The following IGSF3 variants were observed in gnomAD, a reference collection of about 807,000 sequenced individuals.
The protein encoded by IGSF3 is glu-Trp-Ile EWI motif-containing protein 3.
In IGSF3, 23 loss-of-function variants were observed where a neutral mutation model predicts 114.4. The observed-to-expected ratio is 0.20, with a 90% confidence interval of 0.14 to 0.28. The LOEUF is 0.28. IGSF3 is among the 10% of genes least tolerant of loss of function. The pLI is 1.00. For synonymous variants in IGSF3, 571 were observed against 645.2 expected (o/e 0.88, Z 1.74); for missense variants, 1,172 against 1,591.5 (o/e 0.74, Z 4.48).
chr1:116,581,548 GTGTCGCTCACAGGTGAACA>G (rs1349076241), intron 9 of IGSF3, among the ~76,000 whole-genome samples: 28 of 152,106 alleles, frequency 1.8e-4, no homozygotes, highest in African/African-American at 6.5e-4. Context: ...AATTGGCTTA[GTGTCGCTCACAGGTGAACA>G]TGTCGCTCAC....
rs1220242998 is a variant in IGSF3, at chr1:116,661,963, A to G, written c.43+4321T>C. Reference sequence around the variant, plus strand: ...TTCCTTCCTGATGGCTGCGGCTAGAAGAGTCATCTTGGACCATGAAGTCAT... The same window carrying G: ...TTCCTTCCTGATGGCTGCGGCTAGAGGAGTCATCTTGGACCATGAAGTCAT... On this transcript the variant is annotated intron_variant, in intron 2 of 10. Transcript: ENST00000369486. This position sits in a 1 kb window ranked among gnomAD's most constrained non-coding sequence, Gnocchi z 4.0. 6.6e-6 allele frequency among the ~76,000 whole-genome samples: 1 copy of G among 152,194 alleles called. No homozygotes were observed. Among genetic ancestry groups the G allele is most frequent in the Admixed American group, 6.5e-5 (1 of 15,280 alleles).
Position 116,625,535 on chromosome 1 carries a change from G to C in IGSF3, c.44-9078C>G, listed in dbSNP as rs1224790861. Among the ~76,000 whole-genome samples the C allele has an allele frequency of 6.6e-6, 1 of 152,234 alleles. No individual in the cohort carries two copies. On this transcript the variant is annotated intron_variant, in intron 2 of 10. Transcript: ENST00000369486. This position sits in a 1 kb window ranked among gnomAD's most constrained non-coding sequence, Gnocchi z 4.7. ...AGTCAAACACCTCCTCTGGGACTGG[G>C]GAAGTTGAGAAAGAGCCTAACAGAG... is the stretch of plus-strand genomic sequence containing the variant.
At chr1:116,608,920 A>C (rs2101472949) in intron 4 of IGSF3, among the ~76,000 whole-genome samples, 1 of 152,248 alleles carries the variant, frequency 6.6e-6, no homozygotes, top group South Asian at 2.1e-4. Context: ...TAACAGAATT[A>C]CATAGAAAAA....
intron 2 of IGSF3, among the ~76,000 whole-genome samples, chr1:116,645,474 T>C (rs1049824509): frequency 2.1e-4 from 32 of 152,268 alleles, no homozygotes; most frequent in African/African-American, 6.3e-4. Flanking sequence ...TTACATATTT[T>C]AAACTGGTGA....
In IGSF3 at chr1:116,636,940, T is replaced by G. The variant is rs541904308; in HGVS notation, c.44-20483A>C. Among the ~76,000 whole-genome samples the G allele has an allele frequency of 6.6e-6, 1 of 152,344 alleles. No homozygotes were observed. The highest frequency in any genetic ancestry group is 2.1e-4 in the South Asian group (1 of 4,822). On this transcript the variant is annotated intron_variant, in intron 2 of 10. Transcript: ENST00000369486. This position sits in a 1 kb window ranked among gnomAD's most constrained non-coding sequence, Gnocchi z 4.5. ...CTATTAACTCAAATTCTACTTGACA[T>G]TCTTTCAAATCAGGGCATTTTATCT...
chr1:116,666,128 G>C (rs1290801773), intron 2 of IGSF3, among the ~76,000 whole-genome samples, 156 bp downstream of exon 2: 1 of 152,176 alleles, frequency 6.6e-6, no homozygotes, highest in Non-Finnish European at 1.5e-5. Context: ...TTAGAAACGG[G>C]CCTCTTCGTA....
chr1:116,592,973 C>A lies in IGSF3; in HGVS notation c.2030-3869G>T, dbSNP rs747474950. Among the ~76,000 whole-genome samples the A allele has an allele frequency of 2.0e-5, 3 of 152,140 alleles. No homozygotes were observed. Among genetic ancestry groups the A allele is most frequent in the Non-Finnish European group, 4.4e-5 (3 of 68,040 alleles). ...AGCAGAGAAGGAGAATCAAAGGGCA[C>A]GCCAGAGAGAGGGGACAAGAGGAAA... On this transcript the variant is annotated intron_variant, in intron 7 of 10. Coordinates refer to ENST00000369486, the MANE Select transcript of IGSF3 (RefSeq NM_001007237.3). The surrounding 1 kb of genome is among the most constrained non-coding windows in gnomAD (Gnocchi z 4.5).
In IGSF3 at chr1:116,590,378, A is replaced by C. The variant is rs1170941364; in HGVS notation, c.2030-1274T>G. On this transcript the variant is annotated intron_variant, in intron 7 of 10. Coordinates refer to ENST00000369486, the MANE Select transcript of IGSF3 (RefSeq NM_001007237.3). ...TTTCCCGCTACTAAAAATGAAAAAA[A>C]AAAAACAAAAAAACAATTCTAAGTT... 3.3e-5 allele frequency among the ~76,000 whole-genome samples: 5 copies of C among 152,096 alleles called. 1 individual carries two copies. Among genetic ancestry groups the C allele is most frequent in the East Asian group, 1.9e-4 (1 of 5,194 alleles).
intron 5 of IGSF3, among the ~76,000 whole-genome samples, chr1:116,604,278 C>A (rs896554821): frequency 3.3e-5 from 5 of 152,070 alleles, no homozygotes; most frequent in Admixed American, 6.6e-5. Flanking sequence ...GGTTCTAAGA[C>A]CTGAGCCTGA....
intron 2 of IGSF3, among the ~76,000 whole-genome samples, chr1:116,643,594 C>T (rs899569381): frequency 1.3e-5 from 2 of 152,252 alleles, no homozygotes; most frequent in Non-Finnish European, 2.9e-5. Context: ...CCGTGAGGTC[C>T]TCCTGGGGAT....
At chr1:116,581,280 C>T (rs957675347) in intron 9 of IGSF3, among the ~76,000 whole-genome samples, 1 of 143,446 alleles carries the variant, frequency 7.0e-6, no homozygotes. Context: ...AGGTGAGTCA[C>T]ATCTCACAGA....
rs1247943307 is a variant in IGSF3 at position 116,627,087 on chromosome 1, T to C, written c.44-10630A>G. Among the ~76,000 whole-genome samples, 2 of 152,206 alleles carry C rather than the reference T, an allele frequency of 1.3e-5. No homozygotes were observed. Among genetic ancestry groups the C allele is most frequent in the Non-Finnish European group, 2.9e-5 (2 of 68,044 alleles). On this transcript the variant is annotated intron_variant, in intron 2 of 10. Coordinates refer to ENST00000369486, the MANE Select transcript of IGSF3 (RefSeq NM_001007237.3). The surrounding 1 kb of genome is among the most constrained non-coding windows in gnomAD (Gnocchi z 4.7). Reference sequence around the variant, plus strand: ...CTCCCTGTAATTACTCTGACCGCTCTTTCTTTCCGTCCGGTTTTGGAGATA... The same window carrying C: ...CTCCCTGTAATTACTCTGACCGCTCCTTCTTTCCGTCCGGTTTTGGAGATA...
In IGSF3 at chr1:116,638,946, A is replaced by G. The variant is rs1647956676; in HGVS notation, c.44-22489T>C. Reference sequence around the variant, plus strand: ...CATGCTGAACCATTCCAGCTGCGCCACTGCCCAGGAAAAAAGTCACAGGTA... The same window carrying G: ...CATGCTGAACCATTCCAGCTGCGCCGCTGCCCAGGAAAAAAGTCACAGGTA... On this transcript the variant is annotated intron_variant, in intron 2 of 10. Coordinates refer to ENST00000369486, the MANE Select transcript of IGSF3 (RefSeq NM_001007237.3). The surrounding 1 kb of genome is among the most constrained non-coding windows in gnomAD (Gnocchi z 4.1). Among the ~76,000 whole-genome samples, 1 of 152,216 alleles carries G rather than the reference A, an allele frequency of 6.6e-6. No homozygotes were observed. Among genetic ancestry groups the G allele is most frequent in the African/African-American group, 2.4e-5 (1 of 41,450 alleles).
chr1:116,611,204 C>G (rs779420645), intron 4 of IGSF3, among the ~76,000 whole-genome samples: 1 of 152,204 alleles, frequency 6.6e-6, no homozygotes, highest in African/African-American at 2.4e-5. Context: ...GATTGTGTTA[C>G]TCCCTGCTTA....
intron 2 of IGSF3, among the ~76,000 whole-genome samples, chr1:116,631,594 T>C (rs1209544694): frequency 1.3e-5 from 2 of 152,124 alleles, no homozygotes; most frequent in Admixed American, 1.3e-4. Context: ...AGAGATGTAG[T>C]TAACAGGCAA....
Position 116,588,830 on chromosome 1 carries a change from G to C in IGSF3, c.2304C>G (p.Thr768=). 2 of 1,614,196 alleles carry C rather than the reference G, an allele frequency of 1.2e-6. No homozygotes were observed. Among genetic ancestry groups the C allele is most frequent in the Non-Finnish European group, 8.5e-7 (1 of 1,180,010 alleles). Residue 768 remains threonine, a synonymous_variant, in exon 8 of 11, where the codon ACC becomes ACG. Coordinates refer to ENST00000369486, the MANE Select transcript of IGSF3 (RefSeq NM_001007237.3). This position sits in a 1 kb window ranked among gnomAD's most constrained non-coding sequence, Gnocchi z 4.9. ...RHVSGGLFSL[T]VQRAEVSDSG... ...TGTCGCTGACCTCGGCTCTCTGGAC[G>C]GTGAGGCTGAACAGGCCCCCCGACA...
rs1376439233 is a variant in IGSF3, at chr1:116,632,975, G to A, written c.44-16518C>T. On this transcript the variant is annotated intron_variant, in intron 2 of 10. Coordinates refer to ENST00000369486, the MANE Select transcript of IGSF3 (RefSeq NM_001007237.3). The surrounding 1 kb of genome is among the most constrained non-coding windows in gnomAD (Gnocchi z 5.1). ...AGAGTTTCTTCACTGCAGCTATCCT[G>A]CCAGGCTCATTGTAAAGTGACGAAT... Among the ~76,000 whole-genome samples the A allele has an allele frequency of 4.6e-5, 7 of 152,190 alleles. No homozygotes were observed. Among genetic ancestry groups the A allele is most frequent in the Admixed American group, 3.9e-4 (6 of 15,290 alleles).
At chr1:116,645,932 C>T (rs1364054374) in intron 2 of IGSF3, among the ~76,000 whole-genome samples, 1 of 152,222 alleles carries the variant, frequency 6.6e-6, no homozygotes, top group East Asian at 1.9e-4. Flanking sequence ...ATGGACGCGA[C>T]TGCGCTGGGA....
Position 116,585,044 on chromosome 1 carries a change from G to A in IGSF3, c.2449C>T (p.Leu817=), listed in dbSNP as rs1398273229. ...TTCCCCTGGGCTTGGCTGAGCCTCA[G>A]GCGGCTGTCTGGAACAGTAAGGAAG... The part of the protein sequence containing the change: ...EVTVKQPDSR[L]RLSQAQGNLS... Residue 817 remains leucine (L), a synonymous_variant, in exon 9 of 11, where the codon CTG becomes TTG. Coordinates refer to ENST00000369486, the MANE Select transcript of IGSF3 (RefSeq NM_001007237.3). This position sits in a 1 kb window ranked among gnomAD's most constrained non-coding sequence, Gnocchi z 4.9. 6.5e-7 allele frequency: 1 copy of A among 1,535,824 alleles called. No individual in the cohort carries two copies. Among genetic ancestry groups the A allele is most frequent in the African/African-American group, 1.4e-5 (1 of 72,780 alleles).
Sources: gnomAD v4.1 joint callset for allele counts (sites outside exome capture counted in the v4.1 genomes callset) on GRCh38, gnomAD v4.1.1 for gene constraint, Gnocchi (gnomAD v3.1) non-coding constraint, MANE v1.5 for transcripts, NCBI Gene and HGNC (gene_info 2026-07-23, HGNC 2026-07-21) for gene names.